The following RABGAP1 variants were observed in gnomAD, a reference collection of about 807,000 sequenced individuals.
RABGAP1 encodes the protein rab GTPase-activating protein 1.
RABGAP1 carries 23 observed loss-of-function variants against 137.6 expected under a neutral mutation model. That is an observed-to-expected ratio of 0.17 (90% confidence interval 0.12 to 0.24). The LOEUF is 0.24. Ranked by LOEUF, RABGAP1 falls within the 10% of genes least tolerant of loss-of-function variation. RABGAP1 has a pLI of 1.00. For synonymous variants in RABGAP1, 451 were observed against 450.7 expected (o/e 1.00, Z -0.01); for missense variants, 906 against 1,275.8 (o/e 0.71, Z 4.42).
intron 21 of RABGAP1, among the ~76,000 whole-genome samples, chr9:123,092,914 G>C (rs1409062834): frequency 6.6e-6 from 1 of 152,142 alleles, no homozygotes; most frequent in African/African-American, 2.4e-5. Context: ...CAGGGCTCAG[G>C]AGCATCACAC....
chr9:123,014,956 A>G (rs1393735549), intron 11 of RABGAP1, among the ~76,000 whole-genome samples: 1 of 152,092 alleles, frequency 6.6e-6, no homozygotes. Context: ...AGCATGGGGG[A>G]AACCGCCCCC....
At chr9:122,999,485 C>T (rs1032696971) in intron 10 of RABGAP1, among the ~76,000 whole-genome samples, 1 of 152,122 alleles carries the variant, frequency 6.6e-6, no homozygotes, top group Admixed American at 6.5e-5. Flanking sequence ...GCCACCTTGC[C>T]CAGCCAGCCC....
chr9:122,939,041 A>G (rs943573062), upstream of RABGAP1: 2 of 152,212 alleles, frequency 1.3e-5, no homozygotes, highest in Non-Finnish European at 2.9e-5. Flanking sequence ...GGTTGTAGAA[A>G]AATATAATTT....
chr9:123,072,701 A>T (rs2034393463), intron 15 of RABGAP1, among the ~76,000 whole-genome samples: 2 of 152,196 alleles, frequency 1.3e-5, no homozygotes, highest in Non-Finnish European at 1.5e-5. Flanking sequence ...CTTACCAGTA[A>T]TGATCTGCTA....
chr9:123,057,274 G>T (rs1417906633), intron 13 of RABGAP1, among the ~76,000 whole-genome samples: 8 of 151,308 alleles, frequency 5.3e-5, no homozygotes, highest in Non-Finnish European at 1.0e-4. Context: ...CTGCTGGGCG[G>T]AGGGGCTCCT....
chr9:123,032,188 AAGTTATATAC>A (rs1401817492), intron 13 of RABGAP1, among the ~76,000 whole-genome samples: 1 of 152,144 alleles, frequency 6.6e-6, no homozygotes, highest in Non-Finnish European at 1.5e-5. Context: ...AAAGTGAGTA[AAGTTATATAC>A]CCCCTCTGTG....
chr9:122,961,447 G>A (rs984785443), intron 2 of RABGAP1, among the ~76,000 whole-genome samples: 2 of 152,160 alleles, frequency 1.3e-5, no homozygotes, highest in African/African-American at 4.8e-5. Flanking sequence ...AAAACGGAAG[G>A]TTCCTTGAAG....
At chr9:122,954,785 A>C (rs1834420524) in intron 1 of RABGAP1, among the ~76,000 whole-genome samples, 1 of 152,226 alleles carries the variant, frequency 6.6e-6, no homozygotes, top group African/African-American at 2.4e-5. Flanking sequence ...TTCATAATCG[A>C]GTGGAAAGAG....
At chr9:122,979,942 G>A (rs1835960607) in intron 2 of RABGAP1, among the ~76,000 whole-genome samples, 1 of 152,200 alleles carries the variant, frequency 6.6e-6, no homozygotes, top group Admixed American at 6.5e-5. Context: ...TACTAAGAGT[G>A]GGTTTATTTT....
chr9:123,085,057 C>T (rs965411581), intron 19 of RABGAP1, among the ~76,000 whole-genome samples: 4 of 152,192 alleles, frequency 2.6e-5, no homozygotes, highest in African/African-American at 9.7e-5. Flanking sequence ...TGATCAGAGA[C>T]CAGCTTCCCC....
At chr9:123,073,954 C>T (rs1276061368) in intron 16 of RABGAP1, among the ~76,000 whole-genome samples, 1 of 152,138 alleles carries the variant, frequency 6.6e-6, no homozygotes, top group African/African-American at 2.4e-5. Flanking sequence ...GAAGTACTCC[C>T]CAAGGCTCTG....
At chr9:123,026,862 C>T (rs1317955700) in intron 13 of RABGAP1, among the ~76,000 whole-genome samples, 4 of 152,142 alleles carry the variant, frequency 2.6e-5, no homozygotes, top group Non-Finnish European at 5.9e-5. Context: ...TGCTTAGTAG[C>T]AAAAATTTAC....
chr9:123,101,849 G>T (rs896178348), intron 25 of RABGAP1, 86 bp downstream of exon 25: 1 of 1,387,072 alleles, frequency 7.2e-7, no homozygotes, highest in South Asian at 1.6e-5. Context: ...TTTATGGTTT[G>T]GGGTTTTTCC....
At chr9:122,978,273 G>A (rs1201753713) in intron 2 of RABGAP1, among the ~76,000 whole-genome samples, 1 of 152,138 alleles carries the variant, frequency 6.6e-6, no homozygotes, top group African/African-American at 2.4e-5. Flanking sequence ...CATACAGTAT[G>A]TAGTCTTTTT....
At chr9:123,028,024 G>C (rs1353881130) in intron 13 of RABGAP1, among the ~76,000 whole-genome samples, 1 of 152,192 alleles carries the variant, frequency 6.6e-6, no homozygotes, top group Non-Finnish European at 1.5e-5. Context: ...TACTTGCTGG[G>C]AGTTCTAAAG....
chr9:122,934,121 A>G, the RABGAP1 span, among the ~76,000 whole-genome samples: 3 of 146,580 alleles, frequency 2.0e-5, no homozygotes, highest in South Asian at 6.4e-4. Flanking sequence ...TCTGTCACCC[A>G]GGCTGGAGTG....
At chr9:123,017,803 C>CT in intron 12 of RABGAP1, among the ~76,000 whole-genome samples, 2 of 152,342 alleles carry the variant, frequency 1.3e-5, no homozygotes, top group African/African-American at 2.4e-5. Context: ...TGTGTCAACT[C>CT]TAACAACCTT....
intron 1 of RABGAP1, among the ~76,000 whole-genome samples, chr9:122,956,484 A>C (rs574008063): frequency 6.6e-6 from 1 of 152,122 alleles, no homozygotes; most frequent in Non-Finnish European, 1.5e-5. Flanking sequence ...CCCCGTCTCT[A>C]CGAAAAATAC....
intron 2 of RABGAP1, among the ~76,000 whole-genome samples, chr9:122,959,500 G>A (rs1834735731): frequency 6.6e-6 from 1 of 152,076 alleles, no homozygotes; most frequent in South Asian, 2.1e-4. Flanking sequence ...CAGCAGAACT[G>A]GTGACAATTA....
Sources: allele counts gnomAD v4.1 joint callset (sites outside exome capture counted in the v4.1 genomes callset), GRCh38; gene constraint gnomAD v4.1.1; transcripts MANE v1.5; gene names NCBI Gene and HGNC (gene_info 2026-07-23, HGNC 2026-07-21).